Variants in DYNC2I2 observed in about 807,000 individuals in gnomAD.
DYNC2I2 encodes dynein 2 intermediate chain 2.
Under a neutral mutation model 52.0 loss-of-function variants are expected in DYNC2I2, and 39 were observed. That is an observed-to-expected ratio of 0.75 (90% CI 0.58 to 0.98). The LOEUF is 0.98. Among genes scored for constraint, DYNC2I2 ranks in the 50% least tolerant of loss-of-function variants. The pLI is 0.00. For missense variants in DYNC2I2, 743 were observed against 728.4 expected (o/e 1.02, Z -0.23); for synonymous variants, 359 against 321.1 (o/e 1.12, Z -1.26).
the DYNC2I2 span, among the ~76,000 whole-genome samples, chr9:128,668,824 G>GAAAAAAAAAAAAAAAA: frequency 9.0e-6 from 1 of 110,822 alleles, no homozygotes; most frequent in Non-Finnish European, 2.0e-5. Context: ...TAAAAAAAAG[G>GAAAAAAAAAAAAAAAA]AAAAAAAAAA....
chr9:128,660,403 C>T (rs1860904914), upstream of DYNC2I2, among the ~76,000 whole-genome samples: 1 of 151,602 alleles, frequency 6.6e-6, no homozygotes, highest in African/African-American at 2.4e-5. Flanking sequence ...AGCCACTGTG[C>T]CCTGCCTATT....
At chr9:128,661,321 A>C (rs888313288), upstream of DYNC2I2, among the ~76,000 whole-genome samples, 3 of 150,690 alleles carry the variant, frequency 2.0e-5, no homozygotes, top group Admixed American at 6.7e-5. Flanking sequence ...AAAAAAAAAA[A>C]AACAAAAAGA....
intron 5 of DYNC2I2, 87 bp from the exon 6 acceptor site, chr9:128,635,346 G>GA: frequency 6.9e-6 from 10 of 1,455,984 alleles, no homozygotes; most frequent in Non-Finnish European, 4.6e-6. Flanking sequence ...CTCTCTTCCA[G>GA]GAAAAAAAAA....
At position 128,635,774 on chromosome 9, in the gene DYNC2I2, G is replaced by A. The variant is rs1860397382; in HGVS notation, c.704-7C>T. 6.2e-7 allele frequency: 1 copy of A among 1,607,594 alleles called. No homozygotes were observed. Among genetic ancestry groups the A allele is most frequent in the African/African-American group, 1.3e-5 (1 of 74,736 alleles). On this transcript the variant is annotated splice_polypyrimidine_tract_variant and splice_region_variant and intron_variant, in intron 4 of 8. Transcript: ENST00000372715. ...TCACCACTGTACAGCCCTCCTGCAG[G>A]GACAGTGGACCTGGGCAGAGGCTCA...
At chr9:128,657,937 T>G (rs374342639), upstream of DYNC2I2, among the ~76,000 whole-genome samples, 3 of 151,818 alleles carry the variant, frequency 2.0e-5, no homozygotes, top group Non-Finnish European at 4.4e-5. Context: ...AAAAAAAAAT[T>G]TTTTAATTGG....
chr9:128,663,072 A>C, the DYNC2I2 span: 1 of 152,300 alleles, frequency 6.6e-6, no homozygotes, highest in Non-Finnish European at 1.5e-5. Flanking sequence ...CTAGGATTAC[A>C]GGCGTGAGCC....
chr9:128,644,612 G>A (rs533529284), intron 1 of DYNC2I2, among the ~76,000 whole-genome samples: 3 of 152,182 alleles, frequency 2.0e-5, no homozygotes, highest in East Asian at 1.9e-4. Flanking sequence ...CTGACCTCAC[G>A]ACAGTAAACT....
chr9:128,662,633 G>GA, the DYNC2I2 span, among the ~76,000 whole-genome samples: 1 of 151,932 alleles, frequency 6.6e-6, no homozygotes, highest in South Asian at 2.1e-4. Flanking sequence ...AGGCTGGAGT[G>GA]TAGTGGCACG....
intron 1 of DYNC2I2, among the ~76,000 whole-genome samples, chr9:128,643,356 C>G (rs945601511): frequency 1.3e-5 from 2 of 152,086 alleles, no homozygotes; most frequent in Non-Finnish European, 2.9e-5. Flanking sequence ...GAAACCCCGT[C>G]TCTACTAAAA....
intron 2 of DYNC2I2, among the ~76,000 whole-genome samples, chr9:128,640,156 T>C (rs1043258744): frequency 6.6e-6 from 1 of 152,098 alleles, no homozygotes; most frequent in African/African-American, 2.4e-5. Context: ...TATAGGCACC[T>C]GCCACTACGC....
chr9:128,654,608 AAC>A (rs1386735900), intron 1 of DYNC2I2, among the ~76,000 whole-genome samples: 4 of 152,074 alleles, frequency 2.6e-5, no homozygotes, highest in African/African-American at 4.8e-5. Context: ...CCCAAACTGG[AAC>A]ACAGTGGTGC....
Position 128,640,890 on chromosome 9 carries a change from G to A in DYNC2I2, c.236C>T (p.Ala79Val), listed in dbSNP as rs201209028. 2 of 1,611,034 alleles carry A rather than the reference G, an allele frequency of 1.2e-6. No individual in the cohort carries two copies. The highest frequency in any genetic ancestry group is 1.3e-5 in the African/African-American group (1 of 74,976). The change falls in exon 2 of 9, where the codon GCC (alanine) becomes GTC (valine). Residue 79 changes from alanine to valine, a missense_variant. Physicochemically the swap from Ala to Val is moderately conservative, Grantham distance 64 (BLOSUM62 0). Coordinates refer to ENST00000372715, the MANE Select transcript of DYNC2I2 (RefSeq NM_052844.4). ...SIATASASAQ[A>V]RNHVDAQVQT... ...CACCTGGGCGTCCACATGATTCCTGGCCTGGGCGGATGCACTGGCAGTGGC... is the reference window on the plus strand; with the variant it reads ...CACCTGGGCGTCCACATGATTCCTGACCTGGGCGGATGCACTGGCAGTGGC...
upstream of DYNC2I2, among the ~76,000 whole-genome samples, chr9:128,657,071 G>T (rs1050370627): frequency 6.6e-6 from 1 of 152,250 alleles, no homozygotes; most frequent in Non-Finnish European, 1.5e-5. Flanking sequence ...GGCCGTGGCC[G>T]GCCCGCGAGG....
intron 1 of DYNC2I2, among the ~76,000 whole-genome samples, chr9:128,650,019 A>T (rs184153743): frequency 0.011 from 652 of 57,290 alleles, 191 homozygotes; most frequent in African/African-American, 0.021. Flanking sequence ...AAAATTTTTT[A>T]AAAAACTACT....
upstream of DYNC2I2, among the ~76,000 whole-genome samples, chr9:128,659,839 T>C (rs369434452): frequency 3.3e-5 from 5 of 150,296 alleles, no homozygotes; most frequent in African/African-American, 9.8e-5. Flanking sequence ...ACCTGGGAGG[T>C]GGAAGTGGCA....
chr9:128,673,483 A>G, the DYNC2I2 span, among the ~76,000 whole-genome samples: 1 of 149,568 alleles, frequency 6.7e-6, no homozygotes, highest in South Asian at 2.1e-4. Context: ...TTGGGACCAC[A>G]GGCACAGACC....
At chr9:128,650,541 A>ATATATATATATATATATATATATG (rs1403022749) in intron 1 of DYNC2I2, among the ~76,000 whole-genome samples, 3 of 50,316 alleles carry the variant, frequency 6.0e-5, no homozygotes, top group African/African-American at 1.3e-4. Context: ...ATATATATAT[A>ATATATATATATATATATATATATG]TATATATGCC....
chr9:128,658,721 A>G (rs1031115786), upstream of DYNC2I2, among the ~76,000 whole-genome samples: 14 of 91,552 alleles, frequency 1.5e-4, no homozygotes, highest in African/African-American at 5.3e-4. Flanking sequence ...ACCTGACCTA[A>G]TTTTTTTTTT....
intron 1 of DYNC2I2, among the ~76,000 whole-genome samples, chr9:128,642,965 T>C (rs1318058380): frequency 6.6e-6 from 1 of 152,026 alleles, no homozygotes; most frequent in Non-Finnish European, 1.5e-5. Flanking sequence ...AGGGAGGCTG[T>C]CTGGATGGGA....
Sources: allele counts gnomAD v4.1 joint callset (sites outside exome capture counted in the v4.1 genomes callset), GRCh38; gene constraint gnomAD v4.1.1; transcripts MANE v1.5; gene names NCBI Gene and HGNC (gene_info 2026-07-23, HGNC 2026-07-21).